The following GNG7 variants were observed in gnomAD, a reference collection of about 807,000 sequenced individuals.
GNG7 encodes the protein guanine nucleotide-binding protein G(I)/G(S)/G(O) subunit gamma-7.
In GNG7, 1 loss-of-function variant was observed where a neutral mutation model predicts 4.0. The ratio of observed to expected loss-of-function variants is 0.25; its 90% CI spans 0.09 to 1.18. The LOEUF (loss-of-function observed/expected upper bound fraction) is 1.18. GNG7 is among the 50% of genes most tolerant of loss of function. The pLI is 0.50. For synonymous variants in GNG7, 34 were observed against 36.9 expected (o/e 0.92, Z 0.29); for missense variants, 86 against 91.9 (o/e 0.94, Z 0.26).
At chr19:2,585,046 GGGAA>G (rs1466774521) in intron 2 of GNG7, among the ~76,000 whole-genome samples, 819 of 81,350 alleles carry the variant, frequency 0.01, 17 homozygotes, top group Middle Eastern at 0.039. Flanking sequence ...GAGGGAGGGA[GGGAA>G]GGAAGGAAGG....
rs192657966 is a variant in GNG7, at chr19:2,618,967, G to A, written c.-78+27257C>T. Among the ~76,000 whole-genome samples the A allele has an allele frequency of 4.0e-3, 608 of 152,046 alleles. 8 individuals carry two copies. The highest frequency in any genetic ancestry group is 0.014 in the African/African-American group (580 of 41,472). On this transcript the variant is annotated intron_variant, in intron 2 of 4. Transcript: ENST00000382159. This position sits in a 1 kb window ranked among gnomAD's most constrained non-coding sequence, Gnocchi z 5.1. ...CTCTCAGTTTCTTGGTCTTTCTTTG[G>A]TATTTCCATGAACTTTTTTGTTTGT...
chr19:2,643,810 GC>G, intron 2 of GNG7: 2 of 367,692 alleles, frequency 5.4e-6, no homozygotes, highest in South Asian at 4.1e-5. Context: ...GCAACCATCA[GC>G]ATAATCTCAA....
At chr19:2,582,500 T>G (rs1169851063) in intron 2 of GNG7, among the ~76,000 whole-genome samples, 3 of 152,002 alleles carry the variant, frequency 2.0e-5, no homozygotes, top group Non-Finnish European at 4.4e-5. Context: ...TTTTTTTTTT[T>G]GAGACAGGGT....
At chr19:2,547,319 G>A (rs1979161684) in intron 3 of GNG7, among the ~76,000 whole-genome samples, 1 of 152,050 alleles carries the variant, frequency 6.6e-6, no homozygotes, top group Non-Finnish European at 1.5e-5. Context: ...TTAAAATCAA[G>A]GCACAGGCAG....
At chr19:2,676,677 T>C (rs1328082233) in intron 1 of GNG7, among the ~76,000 whole-genome samples, 1 of 152,122 alleles carries the variant, frequency 6.6e-6, no homozygotes, top group Non-Finnish European at 1.5e-5. Flanking sequence ...CGGCCTCCCA[T>C]AGTCCTGGGA....
At chr19:2,686,221 G>A (rs528202852) in intron 1 of GNG7, among the ~76,000 whole-genome samples, 91 of 151,560 alleles carry the variant, frequency 6.0e-4, no homozygotes, top group East Asian at 1.8e-3. Context: ...GCAGTGGTGC[G>A]ATCTCAGCTC....
At chr19:2,701,709 C>A (rs1410262311) in intron 1 of GNG7, among the ~76,000 whole-genome samples, 1 of 150,446 alleles carries the variant, frequency 6.6e-6, no homozygotes, top group East Asian at 2.0e-4. Flanking sequence ...CCATCCCCAG[C>A]CCCCTCTCCA....
chr19:2,525,519 G>A (rs867039010), intron 3 of GNG7, among the ~76,000 whole-genome samples: 1 of 152,054 alleles, frequency 6.6e-6, no homozygotes, highest in Non-Finnish European at 1.5e-5. Flanking sequence ...GTGGAAATCT[G>A]TGGTCGCTCA....
chr19:2,639,576 G>C (rs1438028629), intron 2 of GNG7, among the ~76,000 whole-genome samples: 1 of 151,818 alleles, frequency 6.6e-6, no homozygotes, highest in East Asian at 2.0e-4. Flanking sequence ...TTTGTGGCTG[G>C]ATGTCAAATG....
intron 1 of GNG7, among the ~76,000 whole-genome samples, chr19:2,691,740 G>A (rs143988852): frequency 6.6e-6 from 1 of 151,542 alleles, no homozygotes; most frequent in Non-Finnish European, 1.5e-5. Context: ...GGTGGCACAC[G>A]CCTGTAATCC....
At chr19:2,656,863 C>T (rs1321213168) in intron 1 of GNG7, among the ~76,000 whole-genome samples, 1 of 152,060 alleles carries the variant, frequency 6.6e-6, no homozygotes, top group Admixed American at 6.6e-5. Context: ...AGTTAGATCT[C>T]AGAGGACCTT....
chr19:2,600,118 A>ATT (rs142760944), intron 2 of GNG7, among the ~76,000 whole-genome samples: 106 of 151,460 alleles, frequency 7.0e-4, no homozygotes, highest in African/African-American at 2.4e-3. Flanking sequence ...GGTAATAAAA[A>ATT]ATTAAGGCCC....
chr19:2,607,058 G>A lies in GNG7; in HGVS notation c.-78+39166C>T, dbSNP rs369571357. 1.2e-4 allele frequency among the ~76,000 whole-genome samples: 18 copies of A among 151,448 alleles called. No individual in the cohort carries two copies. The East Asian group carries it at 1.4e-3, about 11-fold the overall frequency. On this transcript the variant is annotated intron_variant, in intron 2 of 4. Transcript: ENST00000382159. Reference sequence around the variant, plus strand: ...CAACACAGCGAGACCCTGTCTCCACGAAAAATTTAAAAATTAGCTGGGCAT... The same window carrying A: ...CAACACAGCGAGACCCTGTCTCCACAAAAAATTTAAAAATTAGCTGGGCAT...
At chr19:2,656,475 G>A (rs1258280881) in intron 1 of GNG7, among the ~76,000 whole-genome samples, 3 of 152,126 alleles carry the variant, frequency 2.0e-5, no homozygotes, top group Non-Finnish European at 2.9e-5. Flanking sequence ...GGTGGTGCAC[G>A]CCTGTAGTCC....
intron 1 of GNG7, among the ~76,000 whole-genome samples, chr19:2,699,816 A>G (rs893041399): frequency 6.6e-6 from 1 of 152,180 alleles, no homozygotes; most frequent in Non-Finnish European, 1.5e-5. Flanking sequence ...CAGCGCTGGG[A>G]TAGAGAGACC....
At chr19:2,651,856 G>A (rs1020088007) in intron 1 of GNG7, among the ~76,000 whole-genome samples, 4 of 150,746 alleles carry the variant, frequency 2.7e-5, no homozygotes, top group African/African-American at 4.8e-5. Flanking sequence ...ATGAGCCACC[G>A]TGCCTGACCA....
At chr19:2,668,658 G>A (rs1383855655) in intron 1 of GNG7, among the ~76,000 whole-genome samples, 1 of 152,192 alleles carries the variant, frequency 6.6e-6, no homozygotes, top group Non-Finnish European at 1.5e-5. Flanking sequence ...TGGGCTGGAG[G>A]AGGGCTGCAG....
At chr19:2,597,346 T>C (rs1981051879) in intron 2 of GNG7, among the ~76,000 whole-genome samples, 1 of 152,116 alleles carries the variant, frequency 6.6e-6, no homozygotes, top group African/African-American at 2.4e-5. Context: ...CCTGTAATCC[T>C]AACACTGTGG....
Position 2,553,731 on chromosome 19 carries a change from T to C in GNG7, c.-38+1418A>G, listed in dbSNP as rs114548546. The stretch of plus-strand genomic sequence containing the variant: ...ATATAATATATTACATATATGTACA[T>C]ATTACATGCAATATATTACATATAT... On this transcript the variant is annotated intron_variant, in intron 3 of 4. Transcript: ENST00000382159. 2.9e-3 allele frequency among the ~76,000 whole-genome samples: 434 copies of C among 148,860 alleles called. 22 individuals carry two copies. Among genetic ancestry groups the C allele is most frequent in the African/African-American group, 9.8e-3 (400 of 40,932 alleles).
Sources: allele counts gnomAD v4.1 joint callset (sites outside exome capture counted in the v4.1 genomes callset), GRCh38; gene constraint gnomAD v4.1.1; non-coding constraint Gnocchi (gnomAD v3.1); transcripts MANE v1.5; gene names NCBI Gene and HGNC (gene_info 2026-07-23, HGNC 2026-07-21).